Variants in DPYD observed in about 807,000 individuals in gnomAD.
The protein encoded by DPYD is dihydropyrimidine dehydrogenase.
Under a neutral mutation model 116.2 loss-of-function variants are expected in DPYD, and 109 were observed. The observed-to-expected ratio is 0.94, with a 90% CI of 0.80 to 1.10. DPYD has a LOEUF of 1.10. Ranked by LOEUF, DPYD falls within the 50% of genes least tolerant of loss-of-function variation. DPYD has a pLI of 0.00. For synonymous variants in DPYD, 440 were observed against 432.0 expected, an observed-to-expected ratio of 1.02 and a Z score of -0.23; for missense variants, 1,302 against 1,254.5, an observed-to-expected ratio of 1.04 and a Z score of -0.57.
intron 5 of DPYD, among the ~76,000 whole-genome samples, chr1:97,704,837 C>T (rs192764719): frequency 2.6e-5 from 4 of 151,750 alleles, no homozygotes; most frequent in Admixed American, 6.6e-5. Context: ...GGTCAACTGC[C>T]GAAACAATGT....
chr1:97,338,249 C>T (rs913152144), intron 16 of DPYD, among the ~76,000 whole-genome samples: 3 of 152,174 alleles, frequency 2.0e-5, no homozygotes, highest in Admixed American at 6.5e-5. Flanking sequence ...AAAACCTTTA[C>T]ACTTGGTGGC....
At chr1:97,708,816 C>T (rs984527357) in intron 5 of DPYD, among the ~76,000 whole-genome samples, 2 of 151,888 alleles carry the variant, frequency 1.3e-5, no homozygotes, top group Non-Finnish European at 2.9e-5. Context: ...TATTTCATCA[C>T]AGTTTCATAG....
Position 97,363,486 on chromosome 1 carries a change from T to A in DPYD, c.2058+10075A>T, listed in dbSNP as rs199664758. On this transcript the variant is annotated intron_variant, in intron 16 of 22. Transcript: ENST00000370192. ...AAAAGGATTATAAATCATGCTACTA[T>A]AAAGACACATGCACACATATGTTTA... Among the ~76,000 whole-genome samples the A allele has an allele frequency of 4.6e-4, 70 of 152,270 alleles. No homozygotes were observed. The East Asian group carries it at 0.01, about 23-fold the overall frequency.
intron 13 of DPYD, among the ~76,000 whole-genome samples, chr1:97,472,190 T>C (rs922286894): frequency 1.3e-5 from 2 of 152,240 alleles, no homozygotes; most frequent in Non-Finnish European, 2.9e-5. Flanking sequence ...TCAATTGTAC[T>C]TTCAAACATC....
intron 5 of DPYD, chr1:97,720,009 T>C (rs1468394351): frequency 4.7e-5 from 46 of 984,972 alleles, no homozygotes; most frequent in Non-Finnish European, 5.4e-5. Flanking sequence ...CACATGTCTC[T>C]GTCTTAAATA....
intron 12 of DPYD, among the ~76,000 whole-genome samples, chr1:97,523,647 T>C (rs1648848194): frequency 6.6e-6 from 1 of 152,170 alleles, no homozygotes; most frequent in Non-Finnish European, 1.5e-5. Flanking sequence ...ATTGAACTAG[T>C]TATAATTTCT....
chr1:97,758,076 CTATAAA>C (rs1207535279), intron 3 of DPYD, among the ~76,000 whole-genome samples: 1 of 152,188 alleles, frequency 6.6e-6, no homozygotes, highest in African/African-American at 2.4e-5. Flanking sequence ...TCAAAGATAC[CTATAAA>C]TAAACTCTTG....
intron 8 of DPYD, among the ~76,000 whole-genome samples, chr1:97,600,770 T>C (rs1655198002): frequency 6.6e-6 from 1 of 152,224 alleles, no homozygotes; most frequent in South Asian, 2.1e-4. Context: ...AATGAAATGA[T>C]ACGTTTGAGT....
chr1:97,894,281 C>T (rs1210875610), intron 1 of DPYD, among the ~76,000 whole-genome samples: 1 of 151,776 alleles, frequency 6.6e-6, no homozygotes, highest in African/African-American at 2.4e-5. Context: ...GAGGGTCCCA[C>T]CCTCATGACC....
intron 19 of DPYD, among the ~76,000 whole-genome samples, chr1:97,205,852 C>G (rs1004726363): frequency 6.6e-6 from 1 of 151,898 alleles, no homozygotes; most frequent in African/African-American, 2.4e-5. Context: ...TTCCTCTAAC[C>G]CTTGCATCTC....
intron 18 of DPYD, among the ~76,000 whole-genome samples, chr1:97,250,365 T>C (rs1478645784): frequency 6.6e-5 from 10 of 152,204 alleles, no homozygotes; most frequent in Non-Finnish European, 1.0e-4. Context: ...ACATCTATCC[T>C]ATCACCCAGC....
At chr1:97,267,447 T>C (rs1048403110) in intron 18 of DPYD, among the ~76,000 whole-genome samples, 2 of 152,094 alleles carry the variant, frequency 1.3e-5, no homozygotes, top group Non-Finnish European at 2.9e-5. Flanking sequence ...TCAGATTCAT[T>C]TTTTACAGTT....
chr1:97,903,723 A>G (rs1673476449), intron 1 of DPYD, among the ~76,000 whole-genome samples: 1 of 151,942 alleles, frequency 6.6e-6, no homozygotes, highest in Non-Finnish European at 1.5e-5. Flanking sequence ...ATACTAGAGG[A>G]ACTAAGAAAT....
chr1:97,458,017 A>G (rs1676789357), intron 13 of DPYD, among the ~76,000 whole-genome samples: 1 of 152,074 alleles, frequency 6.6e-6, no homozygotes, highest in Non-Finnish European at 1.5e-5. Flanking sequence ...TTTTGGATAC[A>G]CTCTGCCAAA....
chr1:97,504,960 T>C (rs1647211161), intron 13 of DPYD, among the ~76,000 whole-genome samples: 1 of 151,762 alleles, frequency 6.6e-6, no homozygotes, highest in Non-Finnish European at 1.5e-5. Flanking sequence ...CTATAAGAGC[T>C]CAGACAATGG....
chr1:97,337,917 T>C (rs1184777404), intron 16 of DPYD, among the ~76,000 whole-genome samples: 3 of 152,160 alleles, frequency 2.0e-5, no homozygotes, highest in Admixed American at 2.0e-4. Context: ...CTTGCTTTAT[T>C]TCATGGGAAG....
intron 3 of DPYD, among the ~76,000 whole-genome samples, chr1:97,749,374 C>T (rs987178571): frequency 1.3e-5 from 2 of 152,032 alleles, no homozygotes; most frequent in Admixed American, 6.5e-5. Context: ...GTGTTCAGTC[C>T]AACCATTTTT....
chr1:97,705,902 T>C (rs1052508075), intron 5 of DPYD, among the ~76,000 whole-genome samples: 1 of 152,124 alleles, frequency 6.6e-6, no homozygotes, highest in Non-Finnish European at 1.5e-5. Context: ...GAGCATTTTT[T>C]CATGTGTTTT....
intron 1 of DPYD, among the ~76,000 whole-genome samples, chr1:97,886,277 G>C (rs1288903838): frequency 6.6e-6 from 1 of 152,058 alleles, no homozygotes; most frequent in Non-Finnish European, 1.5e-5. Context: ...CTCCCAGAGA[G>C]GGGTAAGATG....
Sources: gnomAD v4.1 joint callset for allele counts (sites outside exome capture counted in the v4.1 genomes callset) on GRCh38, gnomAD v4.1.1 for gene constraint, MANE v1.5 for transcripts, NCBI Gene and HGNC (gene_info 2026-07-23, HGNC 2026-07-21) for gene names.